Variants in FAR2 observed in about 807,000 individuals in gnomAD.
FAR2 encodes the protein fatty acyl-CoA reductase 2, also known as epididymis secretory protein Li 81.
FAR2 carries 19 observed loss-of-function variants against 56.0 expected under a neutral mutation model. The ratio of observed to expected loss-of-function variants is 0.34; its 90% CI spans 0.24 to 0.50. The LOEUF (loss-of-function observed/expected upper bound fraction) is 0.50. FAR2 is among the 20% of genes least tolerant of loss of function. FAR2 has a pLI of 0.98. For missense variants in FAR2, 508 were observed against 642.2 expected (o/e 0.79, Z 2.26); for synonymous variants, 219 against 218.8 (o/e 1.00, Z -0.01).
chr12:29,263,621 A>G (rs1948462331), intron 1 of FAR2, among the ~76,000 whole-genome samples: 1 of 150,340 alleles, frequency 6.7e-6, no homozygotes, highest in African/African-American at 2.4e-5. Flanking sequence ...ACCGAAACCT[A>G]TGGGATACAG....
chr12:29,302,905 T>A (rs894062726), intron 4 of FAR2, among the ~76,000 whole-genome samples: 2 of 152,034 alleles, frequency 1.3e-5, no homozygotes, highest in African/African-American at 4.8e-5. Flanking sequence ...AAAAAAACAA[T>A]AGGACATGGC....
chr12:29,324,546 A>C (rs1389946306), intron 10 of FAR2, among the ~76,000 whole-genome samples: 1 of 152,208 alleles, frequency 6.6e-6, no homozygotes, highest in Non-Finnish European at 1.5e-5. Flanking sequence ...CTAACAGATG[A>C]TCTCTCGGCA....
intron 2 of FAR2, chr12:29,277,515 C>G (rs1948720154): frequency 6.6e-6 from 1 of 152,160 alleles, no homozygotes; most frequent in Non-Finnish European, 1.5e-5. Context: ...CCTCACAGAT[C>G]TTAAAGTCCA....
intron 1 of FAR2, among the ~76,000 whole-genome samples, chr12:29,196,459 A>G (rs1357043273): frequency 1.3e-5 from 2 of 152,066 alleles, no homozygotes; most frequent in East Asian, 3.9e-4. Flanking sequence ...GTATTTTTTC[A>G]TATGCTTGTT....
rs572815215 is a variant in FAR2 at position 29,150,059 on chromosome 12, G to A, written c.-39+652G>A. ...AGGGCGGGCTTTGCCCCTGTAGGAA[G>A]TTTTAGACATCTTCCTGCGGCCTGG... On this transcript the variant is annotated intron_variant, in intron 1 of 11. Coordinates refer to ENST00000536681, the MANE Select transcript of FAR2 (RefSeq NM_001271783.2). Among the ~76,000 whole-genome samples the A allele has an allele frequency of 7.0e-4, 106 of 152,338 alleles. 2 individuals carry two copies. The highest frequency in any genetic ancestry group is 2.5e-3 in the African/African-American group (106 of 41,582).
chr12:29,262,152 A>C (rs1260804124), intron 1 of FAR2, among the ~76,000 whole-genome samples: 1 of 152,246 alleles, frequency 6.6e-6, no homozygotes, highest in Non-Finnish European at 1.5e-5. Flanking sequence ...GAAAAAGTTA[A>C]AAAGTGGCAA....
chr12:29,276,764 G>A (rs1948708528), intron 2 of FAR2, among the ~76,000 whole-genome samples: 2 of 151,878 alleles, frequency 1.3e-5, no homozygotes, highest in South Asian at 4.1e-4. Context: ...ATAAAGACAA[G>A]ACAGATAAAA....
intron 1 of FAR2, chr12:29,156,408 T>G (rs1289370929): frequency 6.6e-6 from 1 of 152,184 alleles, no homozygotes; most frequent in African/African-American, 2.4e-5. Flanking sequence ...TTGCTAACGC[T>G]ACATGCCCAT....
chr12:29,181,092 C>T (rs1001674868), intron 1 of FAR2, among the ~76,000 whole-genome samples: 2 of 152,062 alleles, frequency 1.3e-5, no homozygotes, highest in African/African-American at 4.8e-5. Context: ...TGTTTTTCTA[C>T]TTGACTCAAT....
At chr12:29,321,749 G>GT in intron 9 of FAR2, 46 bp from the exon 10 acceptor site, 1 of 1,601,198 alleles carries the variant, frequency 6.2e-7, no homozygotes, top group Non-Finnish European at 8.5e-7. Flanking sequence ...TAGAGTGACA[G>GT]GGAAGTGGTG....
At chr12:29,173,567 T>A (rs2349972) in intron 1 of FAR2, among the ~76,000 whole-genome samples, 6 of 152,092 alleles carry the variant, frequency 3.9e-5, no homozygotes, top group African/African-American at 1.5e-4. Context: ...ACCATTTTTC[T>A]CCATCAGAGA....
At chr12:29,227,649 C>G (rs965449185) in intron 1 of FAR2, among the ~76,000 whole-genome samples, 7 of 152,120 alleles carry the variant, frequency 4.6e-5, no homozygotes, top group African/African-American at 1.4e-4. Context: ...TTTACCTAGA[C>G]AGAATTGCCT....
intron 10 of FAR2, among the ~76,000 whole-genome samples, chr12:29,330,641 C>G (rs988371664): frequency 2.6e-5 from 4 of 152,098 alleles, no homozygotes; most frequent in Non-Finnish European, 4.4e-5. Context: ...CAATTACATT[C>G]TTTAGAAGTG....
At chr12:29,213,469 C>T (rs552251944) in intron 1 of FAR2, among the ~76,000 whole-genome samples, 1 of 152,256 alleles carries the variant, frequency 6.6e-6, no homozygotes, top group African/African-American at 2.4e-5. Flanking sequence ...GCGGGTAGAT[C>T]ACCTGAGGCC....
intron 1 of FAR2, among the ~76,000 whole-genome samples, chr12:29,225,563 G>C (rs1001716270): frequency 3.3e-5 from 5 of 152,110 alleles, no homozygotes; most frequent in African/African-American, 9.7e-5. Context: ...ATTGGATGAA[G>C]GTGCTCTGGA....
chr12:29,240,765 C>A (rs1397732914), intron 1 of FAR2, among the ~76,000 whole-genome samples: 1 of 151,816 alleles, frequency 6.6e-6, no homozygotes, highest in Non-Finnish European at 1.5e-5. Context: ...TTCTCTAAAG[C>A]ACTAGGAATG....
chr12:29,157,142 A>ATATATATATATATATATATG (rs1289279461), intron 1 of FAR2, among the ~76,000 whole-genome samples: 1 of 137,786 alleles, frequency 7.3e-6, no homozygotes, highest in African/African-American at 2.7e-5. Context: ...ATATATATAT[A>ATATATATATATATATATATG]TATGTATCAA....
intron 1 of FAR2, among the ~76,000 whole-genome samples, chr12:29,259,149 T>C (rs1300510616): frequency 6.6e-6 from 1 of 152,222 alleles, no homozygotes; most frequent in Non-Finnish European, 1.5e-5. Context: ...AAATGGTTCA[T>C]TGACAGAAGG....
At chr12:29,251,662 G>T (rs1038123086) in intron 1 of FAR2, among the ~76,000 whole-genome samples, 3 of 152,154 alleles carry the variant, frequency 2.0e-5, no homozygotes, top group Non-Finnish European at 2.9e-5. Flanking sequence ...TGGAGTGAGG[G>T]CATTATGGTG....
Sources: allele counts gnomAD v4.1 joint callset (sites outside exome capture counted in the v4.1 genomes callset), GRCh38; gene constraint gnomAD v4.1.1; transcripts MANE v1.5; gene names NCBI Gene and HGNC (gene_info 2026-07-23, HGNC 2026-07-21).